BDNF: variants seen among roughly 807,000 people sequenced by gnomAD.
The protein encoded by BDNF is brain derived neurotrophic factor.
Under a neutral mutation model 19.5 loss-of-function variants are expected in BDNF, and 1 was observed. The observed-to-expected ratio is 0.05, with a 90% CI of 0.02 to 0.24. The LOEUF (loss-of-function observed/expected upper bound fraction) is 0.24, where lower values mean the gene tolerates loss of function less well. Among genes scored for constraint, BDNF ranks in the 10% least tolerant of loss-of-function variants. The pLI is 1.00. For synonymous variants in BDNF, 100 were observed against 121.6 expected (o/e 0.82, Z 1.17); for missense variants, 195 against 317.6 (o/e 0.61, Z 2.93).
intron 1 of BDNF, among the ~76,000 whole-genome samples, chr11:27,684,034 T>C (rs1020417241): frequency 1.3e-5 from 2 of 152,218 alleles, no homozygotes; most frequent in African/African-American, 4.8e-5. Flanking sequence ...TTCCTATCCA[T>C]GAGAATGGAA....
Position 27,659,596 on chromosome 11 carries a change from G to A in BDNF, c.-21-1011C>T, listed in dbSNP as rs184324828. 1.9e-5 allele frequency: 19 copies of A among 999,834 alleles called. No individual in the cohort carries two copies. In the Admixed American group the frequency reaches 3.7e-4, roughly 19 times the overall value. 61.9% of individuals were successfully genotyped at this position (999,834 alleles called of 1,614,324 possible). Reference sequence around the variant, plus strand: ...CTAATACACACATCTAGCTAAGAAAGCTCAACTTTTCTTTTTACTAGAGAT... The same window carrying A: ...CTAATACACACATCTAGCTAAGAAAACTCAACTTTTCTTTTTACTAGAGAT... On this transcript the variant is annotated intron_variant, in intron 1 of 1. Coordinates refer to ENST00000356660, the MANE Select transcript of BDNF (RefSeq NM_001709.5).
chr11:27,671,174 G>A (rs916650291), intron 1 of BDNF, among the ~76,000 whole-genome samples: 1 of 152,086 alleles, frequency 6.6e-6, no homozygotes, highest in Non-Finnish European at 1.5e-5. Flanking sequence ...GGGGTAGGGG[G>A]GAGGGATAGC....
intron 1 of BDNF, chr11:27,691,082 C>T (rs780108717): frequency 6.6e-6 from 1 of 152,108 alleles, no homozygotes; most frequent in Non-Finnish European, 1.5e-5. Flanking sequence ...TCAATTTGTA[C>T]ACAAACTGAC....
chr11:27,700,520 G>GCCC (rs67192910), upstream of BDNF: 7 of 736,006 alleles, frequency 9.5e-6, no homozygotes, highest in Non-Finnish European at 7.8e-6. Context: ...AAACGGCGCC[G>GCCC]CCCCCCCCCC....
intron 1 of BDNF, among the ~76,000 whole-genome samples, chr11:27,691,383 C>G (rs188721950): frequency 6.6e-6 from 1 of 152,186 alleles, no homozygotes. Context: ...CAGTGCCTGA[C>G]ACTCACTGGG....
intron 1 of BDNF, among the ~76,000 whole-genome samples, chr11:27,679,860 GTCA>G (rs1257652953): frequency 6.6e-6 from 1 of 152,178 alleles, no homozygotes; most frequent in Non-Finnish European, 1.5e-5. Flanking sequence ...CTGTGTTTCT[GTCA>G]TTCCCTCATA....
chr11:27,721,802 G>T (rs763992661), exon 1 of BDNF: 4 of 265,304 alleles, frequency 1.5e-5, no homozygotes, highest in African/African-American at 2.2e-5. Flanking sequence ...CTAACCGCCC[G>T]TTACTGGGTC....
intron 1 of BDNF, among the ~76,000 whole-genome samples, chr11:27,680,361 C>A (rs535551930): frequency 1.3e-5 from 2 of 152,284 alleles, no homozygotes; most frequent in East Asian, 3.9e-4. Flanking sequence ...TTTTGTAGAT[C>A]AAAAGATTAT....
At chr11:27,719,103 C>T (rs1860643229) in intron 1 of BDNF, among the ~76,000 whole-genome samples, 1 of 152,222 alleles carries the variant, frequency 6.6e-6, no homozygotes, top group Admixed American at 6.5e-5. Context: ...GATAACGCAG[C>T]CGCGCGTTCC....
intron 1 of BDNF, among the ~76,000 whole-genome samples, chr11:27,671,175 G>T (rs562358471): frequency 6.6e-5 from 10 of 152,176 alleles, no homozygotes; most frequent in African/African-American, 1.9e-4. Flanking sequence ...GGGTAGGGGG[G>T]AGGGATAGCA....
At position 27,657,891 on chromosome 11, in the gene BDNF, C is replaced by T; in HGVS notation, c.674G>A (p.Arg225Lys). 2 of 1,614,144 alleles carry T rather than the reference C, an allele frequency of 1.2e-6. No individual in the cohort carries two copies. The highest frequency in any genetic ancestry group is 1.7e-6 in the Non-Finnish European group (2 of 1,180,028). Residue 225 changes from arginine to lysine, a missense_variant, in exon 2 of 2, where the codon AGA becomes AAA. Arg to Lys is a conservative substitution (Grantham distance 26). Coordinates refer to ENST00000356660, the MANE Select transcript of BDNF (RefSeq NM_001709.5). The surrounding 1 kb of genome is among the most constrained non-coding windows in gnomAD (Gnocchi z 5.0). Reference sequence around the variant, plus strand: ...TATCCTTATGAATCGCCAGCCAATTCTCTTTTTGCTATCCATGGTAAGGGC... The same window carrying T: ...TATCCTTATGAATCGCCAGCCAATTTTCTTTTTGCTATCCATGGTAAGGGC... ...VRALTMDSKK[R>K]IGWRFIRIDT...
At chr11:27,659,690 TA>T (rs1386078200) in intron 1 of BDNF, 2 of 996,578 alleles carry the variant, frequency 2.0e-6, no homozygotes, top group Non-Finnish European at 2.4e-6. Flanking sequence ...ATCCTACTTT[TA>T]AAAAGCTGAG....
At chr11:27,682,410 TAA>T (rs1491119197) in intron 1 of BDNF, among the ~76,000 whole-genome samples, 33 of 150,234 alleles carry the variant, frequency 2.2e-4, no homozygotes, top group East Asian at 5.9e-4. Flanking sequence ...ATTATTATTA[TAA>T]TAATAATAAT....
At position 27,658,880 on chromosome 11, in the gene BDNF, C is replaced by A; in HGVS notation, c.-21-295G>T. On this transcript the variant is annotated intron_variant, in intron 1 of 1. Transcript: ENST00000356660. The surrounding 1 kb of genome is among the most constrained non-coding windows in gnomAD (Gnocchi z 5.7). The stretch of plus-strand genomic sequence containing the variant: ...TGTGGCTTCAAGTTCTCCTTCTTCC[C>A]ACTTTAGCAGCTTTGTAAGTTTAAT... 1 of 1,277,510 alleles carries A rather than the reference C, an allele frequency of 7.8e-7. No homozygotes were observed. The highest frequency in any genetic ancestry group is 1.0e-6 in the Non-Finnish European group (1 of 1,000,832). 79.1% of individuals were successfully genotyped at this position (1,277,510 alleles called of 1,614,324 possible).
At chr11:27,716,076 C>G (rs940001470) in intron 1 of BDNF, among the ~76,000 whole-genome samples, 1 of 152,164 alleles carries the variant, frequency 6.6e-6, no homozygotes, top group African/African-American at 2.4e-5. Context: ...ATCCTTCCCT[C>G]TCTGCACCAT....
intron 1 of BDNF, among the ~76,000 whole-genome samples, chr11:27,662,133 TGG>T (rs1196807698): frequency 2.0e-5 from 3 of 152,154 alleles, no homozygotes; most frequent in Admixed American, 6.5e-5. Context: ...AGGAGGTAGC[TGG>T]GATTACAGGC....
At chr11:27,700,760 G>C, upstream of BDNF, 1 of 1,190,802 alleles carries the variant, frequency 8.4e-7, no homozygotes, top group Non-Finnish European at 1.1e-6. Flanking sequence ...CGGCTTCGAG[G>C]GGTGTTCCAG....
intron 1 of BDNF, chr11:27,720,744 G>A (rs1860716020): frequency 2.0e-6 from 2 of 985,974 alleles, no homozygotes; most frequent in African/African-American, 1.7e-5. Context: ...AGGAGGAAAA[G>A]GCTTAAAAAT....
At chr11:27,680,246 A>G (rs1159262730) in intron 1 of BDNF, among the ~76,000 whole-genome samples, 1 of 152,230 alleles carries the variant, frequency 6.6e-6, no homozygotes, top group Non-Finnish European at 1.5e-5. Flanking sequence ...ACATGCTGTA[A>G]CTAACATGCA....
Sources: gnomAD v4.1 joint callset for allele counts (sites outside exome capture counted in the v4.1 genomes callset) on GRCh38, gnomAD v4.1.1 for gene constraint, Gnocchi (gnomAD v3.1) non-coding constraint, MANE v1.5 for transcripts, NCBI Gene and HGNC (gene_info 2026-07-23, HGNC 2026-07-21) for gene names.